Variants in MYOCD observed in about 807,000 individuals in gnomAD.
MYOCD encodes the protein myocardin.
Under a neutral mutation model 96.1 loss-of-function variants are expected in MYOCD, and 32 were observed. The ratio of observed to expected loss-of-function variants is 0.33; its 90% confidence interval spans 0.25 to 0.45. The LOEUF is 0.45. Among genes scored for constraint, MYOCD ranks in the 20% least tolerant of loss-of-function variants. The pLI is 1.00. For missense variants in MYOCD, 1,133 were observed against 1,200.6 expected (o/e 0.94, Z 0.83); for synonymous variants, 469 against 469.0 (o/e 1.00, Z 0.00).
chr17:12,739,946 T>C (rs1390831138), intron 7 of MYOCD, among the ~76,000 whole-genome samples: 1 of 152,170 alleles, frequency 6.6e-6, no homozygotes, highest in East Asian at 1.9e-4. Context: ...TTTTCTTTTT[T>C]CTTTTTTGAG....
At chr17:12,750,744 T>A (rs577668189) in intron 9 of MYOCD, among the ~76,000 whole-genome samples, 1 of 152,344 alleles carries the variant, frequency 6.6e-6, no homozygotes, top group Non-Finnish European at 1.5e-5. Flanking sequence ...GTCTTCTTAT[T>A]CATTTGCCAA....
At chr17:12,729,891 T>C (rs1017976501) in intron 5 of MYOCD, among the ~76,000 whole-genome samples, 1 of 152,150 alleles carries the variant, frequency 6.6e-6, no homozygotes, top group Non-Finnish European at 1.5e-5. Context: ...TTACACAGGT[T>C]AACTGCTTTT....
Position 12,668,236 on chromosome 17 carries a change from T to C in MYOCD, c.55+1993T>C, listed in dbSNP as rs143102819. ...TTTCTCTCTCTCTCTTTCACTGTTT[T>C]CCCTTCTCTTTCATCATCTTCTTCT... On this transcript the variant is annotated intron_variant, in intron 1 of 13. Coordinates refer to ENST00000425538, the MANE Select transcript of MYOCD (RefSeq NM_001146312.3). Among the ~76,000 whole-genome samples, 23 of 152,340 alleles carry C rather than the reference T, an allele frequency of 1.5e-4. No homozygotes were observed. The East Asian group carries it at 4.4e-3, about 29-fold the overall frequency.
chr17:12,751,172 G>A (rs897395789), intron 9 of MYOCD, among the ~76,000 whole-genome samples: 8 of 151,924 alleles, frequency 5.3e-5, no homozygotes, highest in East Asian at 1.9e-4. Context: ...AATTACAAAC[G>A]TAATACGTTT....
At chr17:12,761,590 T>TACACACACACACACACACAC (rs5819386) in intron 13 of MYOCD, 3 of 141,306 alleles carry the variant, frequency 2.1e-5, no homozygotes, top group Admixed American at 7.1e-5. Flanking sequence ...CAGATGCCCA[T>TACACACACACACACACACAC]ACACACACAC....
rs893908267 is a variant in MYOCD at position 12,763,272 on chromosome 17, C to A, written c.2589C>A (p.Ser863Arg). Residue 863 changes from serine (S) to arginine (R), a missense_variant, in exon 14 of 14, where the codon AGC becomes AGA. Physicochemically the swap from Ser to Arg is moderately radical, Grantham distance 110. Transcript: ENST00000425538. Reference protein sequence around the residue: ...EHLEVLLNSQSPLGKMSDVTL... With the variant: ...EHLEVLLNSQRPLGKMSDVTL... ...TTGAAGTCTTATTAAATTCCCAGAG[C>A]CCCCTAGGAAAGATGAGTGATGTCA... is the stretch of plus-strand genomic sequence containing the variant. 1.2e-6 allele frequency: 2 copies of A among 1,613,608 alleles called. No homozygotes were observed. The highest frequency in any genetic ancestry group is 8.5e-7 in the Non-Finnish European group (1 of 1,179,772).
At chr17:12,708,120 C>G (rs2031361206) in intron 2 of MYOCD, among the ~76,000 whole-genome samples, 1 of 152,108 alleles carries the variant, frequency 6.6e-6, no homozygotes, top group South Asian at 2.1e-4. Flanking sequence ...AAACCCCTGA[C>G]CTACCCCAGT....
intron 4 of MYOCD, among the ~76,000 whole-genome samples, chr17:12,718,549 A>G (rs1199104220): frequency 6.6e-6 from 1 of 152,186 alleles, no homozygotes; most frequent in Non-Finnish European, 1.5e-5. Flanking sequence ...GAGTGACATC[A>G]TTTGTTATTT....
intron 6 of MYOCD, among the ~76,000 whole-genome samples, chr17:12,738,779 T>C (rs1459098203): frequency 3.9e-5 from 6 of 152,022 alleles, no homozygotes; most frequent in Admixed American, 6.6e-5. Flanking sequence ...TCTTTTTCAA[T>C]TGCATTATCA....
chr17:12,721,920 A>G (rs1350994943), intron 4 of MYOCD, among the ~76,000 whole-genome samples: 1 of 152,176 alleles, frequency 6.6e-6, no homozygotes. Flanking sequence ...TGCTTTGAAG[A>G]GGCAGCTTCC....
At chr17:12,742,600 T>C (rs769646325) in intron 7 of MYOCD, among the ~76,000 whole-genome samples, 9 of 151,970 alleles carry the variant, frequency 5.9e-5, no homozygotes, top group Non-Finnish European at 1.2e-4. Flanking sequence ...AGGCGGAGTC[T>C]CGCTCTATCA....
At chr17:12,724,054 TTC>T (rs1040245308) in intron 5 of MYOCD, among the ~76,000 whole-genome samples, 3 of 152,122 alleles carry the variant, frequency 2.0e-5, no homozygotes, top group African/African-American at 7.2e-5. Context: ...CACTGTGATT[TTC>T]TCTCTCATCT....
intron 1 of MYOCD, among the ~76,000 whole-genome samples, chr17:12,684,802 C>T (rs536515459): frequency 6.9e-4 from 102 of 148,488 alleles, no homozygotes; most frequent in South Asian, 2.1e-3. Flanking sequence ...GCTGAGATCA[C>T]GCCACTGCAC....
intron 3 of MYOCD, 98 bp downstream of exon 3, chr17:12,715,672 C>A: frequency 2.1e-6 from 2 of 936,854 alleles, no homozygotes; most frequent in Non-Finnish European, 3.3e-6. Context: ...CTACAACAAA[C>A]ACAATCAATT....
Position 12,666,714 on chromosome 17 carries a change from C to A in MYOCD, c.55+471C>A, listed in dbSNP as rs953396373. ...AGTCACTTGGGGGAAGTAAAAATAG[C>A]AAATTTGGAGCACACCAAGTATTTA... On this transcript the variant is annotated intron_variant, in intron 1 of 13. Coordinates refer to ENST00000425538, the MANE Select transcript of MYOCD (RefSeq NM_001146312.3). Among the ~76,000 whole-genome samples the A allele has an allele frequency of 2.6e-5, 4 of 151,862 alleles. No homozygotes were observed. In the East Asian group the frequency reaches 5.8e-4, roughly 22 times the overall value.
chr17:12,746,680 G>A (rs1410981334), intron 9 of MYOCD, among the ~76,000 whole-genome samples: 1 of 150,502 alleles, frequency 6.6e-6, no homozygotes, highest in African/African-American at 2.4e-5. Flanking sequence ...TGAGAGTTAC[G>A]GTAATTAGTA....
chr17:12,669,330 TTG>T (rs1363723075), intron 1 of MYOCD, among the ~76,000 whole-genome samples: 1 of 152,082 alleles, frequency 6.6e-6, no homozygotes. Context: ...TAAAGAATCA[TTG>T]TGTTTCTTTT....
intron 1 of MYOCD, among the ~76,000 whole-genome samples, chr17:12,677,356 C>T (rs1048905499): frequency 2.0e-5 from 3 of 152,038 alleles, no homozygotes; most frequent in African/African-American, 4.8e-5. Flanking sequence ...CCCCATGACA[C>T]GCGTTTACCT....
At chr17:12,693,810 G>A (rs1442943644) in intron 1 of MYOCD, among the ~76,000 whole-genome samples, 2 of 151,936 alleles carry the variant, frequency 1.3e-5, no homozygotes, top group Non-Finnish European at 2.9e-5. Flanking sequence ...TGAGTAAAGA[G>A]ACAACTTAAA....
Sources: allele counts gnomAD v4.1 joint callset (sites outside exome capture counted in the v4.1 genomes callset), GRCh38; gene constraint gnomAD v4.1.1; transcripts MANE v1.5; gene names NCBI Gene and HGNC (gene_info 2026-07-23, HGNC 2026-07-21).